Variants in CD109 observed in about 807,000 individuals in gnomAD.
CD109 encodes CD109 molecule.
A neutral mutation model predicts 165.8 loss-of-function variants in CD109; 149 were observed. The observed-to-expected ratio is 0.90, with a 90% confidence interval of 0.79 to 1.03. The LOEUF (loss-of-function observed/expected upper bound fraction) is 1.03, where lower values mean the gene tolerates loss of function less well. Ranked by LOEUF, CD109 falls within the 50% of genes least tolerant of loss-of-function variation. CD109 has a pLI of 0.00. For missense variants in CD109, 1,712 were observed against 1,677.8 expected (o/e 1.02, Z -0.36); for synonymous variants, 585 against 592.1 (o/e 0.99, Z 0.18).
At chr6:73,729,982 C>G (rs1477015897) in intron 3 of CD109, among the ~76,000 whole-genome samples, 1 of 152,054 alleles carries the variant, frequency 6.6e-6, no homozygotes, top group African/African-American at 2.4e-5. Flanking sequence ...CAGCTGACTG[C>G]CTCAAATAGG....
upstream of CD109, among the ~76,000 whole-genome samples, chr6:73,692,658 T>C (rs1451552677): frequency 1.3e-5 from 2 of 152,226 alleles, no homozygotes; most frequent in African/African-American, 2.4e-5. Context: ...TCATCTTGAA[T>C]TGCAGCTCTC....
At chr6:73,702,035 G>A (rs1376140861) in intron 2 of CD109, among the ~76,000 whole-genome samples, 1 of 152,104 alleles carries the variant, frequency 6.6e-6, no homozygotes, top group East Asian at 1.9e-4. Flanking sequence ...CTGGTTTGGG[G>A]GCACCATTTT....
chr6:73,814,620 C>T (rs1775869142), intron 29 of CD109, among the ~76,000 whole-genome samples: 1 of 152,132 alleles, frequency 6.6e-6, no homozygotes, highest in Non-Finnish European at 1.5e-5. Flanking sequence ...AGAAAAATGA[C>T]TCCATTTGGG....
At chr6:73,761,810 C>T (rs190414567) in intron 7 of CD109, among the ~76,000 whole-genome samples, 3 of 152,042 alleles carry the variant, frequency 2.0e-5, no homozygotes, top group Admixed American at 6.5e-5. Context: ...CATGAGCCAC[C>T]GTGCCCATCC....
intron 15 of CD109, among the ~76,000 whole-genome samples, chr6:73,772,367 C>T (rs1002277146): frequency 6.6e-5 from 10 of 151,400 alleles, no homozygotes; most frequent in Admixed American, 4.6e-4. Context: ...TAGCCGGGCG[C>T]GGTGGCGGGC....
intron 3 of CD109, among the ~76,000 whole-genome samples, chr6:73,726,664 G>A (rs558199984): frequency 7.2e-5 from 11 of 152,322 alleles, no homozygotes; most frequent in African/African-American, 2.6e-4. Flanking sequence ...TAGCAAGAAT[G>A]TTTTTGAATG....
At position 73,810,092 on chromosome 6, in the gene CD109, A is replaced by G; in HGVS notation, c.3464A>G (p.Gln1155Arg). 1.2e-6 allele frequency: 2 copies of G among 1,610,534 alleles called. No homozygotes were observed. Among genetic ancestry groups the G allele is most frequent in the Non-Finnish European group, 1.7e-6 (2 of 1,178,876 alleles). The change falls in exon 27 of 33, where the codon CAA (glutamine) becomes CGA (arginine). Residue 1155 changes from glutamine (Q) to arginine (R), a missense_variant. By Grantham distance (43) the Gln-to-Arg change is conservative. Transcript: ENST00000287097. ...TATGCACTGCTCTCACACTTCTTAC[A>G]ATTTCAGACTTCTGAGGGAATCCCA... ...AAYALLSHFL[Q>R]FQTSEGIPIM...
At chr6:73,791,132 CATACAT>C (rs370772858) in intron 22 of CD109, among the ~76,000 whole-genome samples, 24 of 46,798 alleles carry the variant, frequency 5.1e-4, no homozygotes, top group East Asian at 1.2e-3. Context: ...TATATACATA[CATACAT>C]ATATATATAT....
At position 73,696,235 on chromosome 6, in the gene CD109, T is replaced by C. The variant is rs778804944; in HGVS notation, c.20T>C (p.Leu7Pro). The change falls in exon 1 of 33, where the codon CTG (leucine) becomes CCG (proline). Residue 7 changes from leucine (L) to proline (P), a missense_variant. Coordinates refer to ENST00000287097, the MANE Select transcript of CD109 (RefSeq NM_133493.5). MQGPPL[L>P]TAAHLLCVCT... The stretch of plus-strand genomic sequence containing the variant: ...GTCGAGATGCAGGGCCCACCGCTCC[T>C]GACCGCCGCCCACCTCCTCTGCGTG... 6.5e-7 allele frequency: 1 copy of C among 1,544,562 alleles called. No homozygotes were observed. Among genetic ancestry groups the C allele is most frequent in the Non-Finnish European group, 8.7e-7 (1 of 1,149,582 alleles).
In CD109 at chr6:73,826,587, T is replaced by C. The variant is rs548401542; in HGVS notation, c.*2954T>C. On this transcript the variant is annotated 3_prime_UTR_variant, in exon 33 of 33. Coordinates refer to ENST00000287097, the MANE Select transcript of CD109 (RefSeq NM_133493.5). ...AAAGAAATTCAAGCCCATTAAAATA[T>C]GTCTGGTCAATGAAATGCTTCCTTT... The C allele has an allele frequency of 6.6e-6, 1 of 152,354 alleles. No homozygotes were observed. Among genetic ancestry groups the C allele is most frequent in the Admixed American group, 6.5e-5 (1 of 15,298 alleles). 9.4% of individuals were successfully genotyped at this position (152,354 alleles called of 1,614,324 possible).
intron 5 of CD109, among the ~76,000 whole-genome samples, chr6:73,745,557 C>A (rs187280503): frequency 6.6e-6 from 1 of 152,132 alleles, no homozygotes; most frequent in Admixed American, 6.5e-5. Context: ...TTGTTCCCAA[C>A]GTGTCCCAGA....
chr6:73,702,277 A>G (rs1379496143), intron 2 of CD109, among the ~76,000 whole-genome samples: 1 of 152,128 alleles, frequency 6.6e-6, no homozygotes, highest in Non-Finnish European at 1.5e-5. Context: ...AGGGTGGGAA[A>G]TTTTTAAAAA....
At chr6:73,789,165 C>G (rs912519337) in intron 22 of CD109, among the ~76,000 whole-genome samples, 8 of 152,294 alleles carry the variant, frequency 5.3e-5, no homozygotes, top group Non-Finnish European at 1.0e-4. Flanking sequence ...ATTCTGATAA[C>G]CAAAGGTTGA....
rs386407559 is a variant in CD109 at position 73,725,504 on chromosome 6, C to CTTTT, written c.276+2243_276+2246dup. ...AACTAGAAATTTGTCTACTACACTT[C>CTTTT]TTTTTTTTTTTTTTTTTTTTTGAGA... On this transcript the variant is annotated intron_variant, in intron 3 of 32. Coordinates refer to ENST00000287097, the MANE Select transcript of CD109 (RefSeq NM_133493.5). 5.8e-3 allele frequency among the ~76,000 whole-genome samples: 521 copies of CTTTT among 89,404 alleles called. 27 individuals are homozygous for CTTTT. Among genetic ancestry groups the CTTTT allele is most frequent in the South Asian group, 0.016 (49 of 2,988 alleles). 58.7% of individuals were successfully genotyped at this position (89,404 alleles called of 152,430 possible). A position where few individuals can be genotyped will look rare whatever the true frequency, so the allele number is the denominator to read the frequency against.
intron 2 of CD109, among the ~76,000 whole-genome samples, chr6:73,703,788 C>T (rs954427868): frequency 1.1e-4 from 16 of 152,174 alleles, no homozygotes; most frequent in African/African-American, 3.9e-4. Context: ...TTAGAAGCTT[C>T]ATAGACCTTT....
chr6:73,805,778 T>A lies in CD109; in HGVS notation c.2961-1066T>A, dbSNP rs188909569. Among the ~76,000 whole-genome samples the A allele has an allele frequency of 5.4e-4, 83 of 152,326 alleles. 1 individual carries two copies. The highest frequency in any genetic ancestry group is 1.9e-3 in the African/African-American group (80 of 41,564). On this transcript the variant is annotated intron_variant, in intron 24 of 32. Transcript: ENST00000287097. ...AGCATGCTGCCTTCAAGCATCTGTTTAACAAGGCACATCTTACACAGCCCT... is the reference window on the plus strand; with the variant it reads ...AGCATGCTGCCTTCAAGCATCTGTTAAACAAGGCACATCTTACACAGCCCT...
At chr6:73,707,940 C>A (rs1771345655) in intron 2 of CD109, among the ~76,000 whole-genome samples, 1 of 137,052 alleles carries the variant, frequency 7.3e-6, no homozygotes, top group South Asian at 2.2e-4. Context: ...CAGTTAAGAA[C>A]TTTGATTTAA....
At position 73,803,212 on chromosome 6, in the gene CD109, G is replaced by T; in HGVS notation, c.2879-8G>T. ...TTACTTTGACTATCTGTCTATTTTTGTGTCTAGGTTACCAGAGAGAACTTC... is the reference window on the plus strand; with the variant it reads ...TTACTTTGACTATCTGTCTATTTTTTTGTCTAGGTTACCAGAGAGAACTTC... On this transcript the variant is annotated splice_polypyrimidine_tract_variant and splice_region_variant and intron_variant, in intron 23 of 32. Coordinates refer to ENST00000287097, the MANE Select transcript of CD109 (RefSeq NM_133493.5). The T allele has an allele frequency of 6.3e-7, 1 of 1,597,426 alleles. No homozygotes were observed.
intron 29 of CD109, 122 bp downstream of exon 29, chr6:73,812,392 T>G: frequency 1.6e-6 from 1 of 638,718 alleles, no homozygotes; most frequent in Non-Finnish European, 2.7e-6. Context: ...ATCTGTGACT[T>G]AAGCAAGATA....
Sources: gnomAD v4.1 joint callset for allele counts (sites outside exome capture counted in the v4.1 genomes callset) on GRCh38, gnomAD v4.1.1 for gene constraint, MANE v1.5 for transcripts, NCBI Gene and HGNC (gene_info 2026-07-23, HGNC 2026-07-21) for gene names.